The following DSCAM variants were observed in gnomAD, a reference collection of about 807,000 sequenced individuals.
DSCAM encodes the protein cell adhesion molecule DSCAM.
DSCAM carries 47 observed loss-of-function variants against 217.7 expected under a neutral mutation model. That is an observed-to-expected ratio of 0.22 (90% confidence interval 0.17 to 0.28). The LOEUF (loss-of-function observed/expected upper bound fraction) is 0.28. Among genes scored for constraint, DSCAM ranks in the 10% least tolerant of loss-of-function variants. The pLI, the probability that DSCAM is intolerant of heterozygous loss-of-function variation, is 1.00. For missense variants in DSCAM, 2,080 were observed against 2,618.3 expected (o/e 0.79, Z 4.49); for synonymous variants, 1,056 against 1,015.3 (o/e 1.04, Z -0.76).
At chr21:40,598,783 G>A (rs1408296455) in intron 3 of DSCAM, among the ~76,000 whole-genome samples, 4 of 152,012 alleles carry the variant, frequency 2.6e-5, no homozygotes, top group African/African-American at 4.8e-5. Flanking sequence ...GATTACAGGC[G>A]TGAGCCACCG....
chr21:40,743,344 C>T (rs2091143277), intron 1 of DSCAM, among the ~76,000 whole-genome samples: 1 of 152,188 alleles, frequency 6.6e-6, no homozygotes, highest in South Asian at 2.1e-4. Context: ...TCATCAACTC[C>T]TGGCAACAAC....
chr21:40,639,628 G>A (rs977610267), intron 3 of DSCAM, among the ~76,000 whole-genome samples: 6 of 152,084 alleles, frequency 3.9e-5, no homozygotes. Context: ...GCCTCCATGT[G>A]TAAAATAATG....
intron 1 of DSCAM, among the ~76,000 whole-genome samples, chr21:40,760,216 C>T (rs2091319042): frequency 6.6e-6 from 1 of 151,948 alleles, no homozygotes; most frequent in Non-Finnish European, 1.5e-5. Flanking sequence ...CGGGGTTTCA[C>T]CACGTTGGCC....
At chr21:40,817,405 T>C (rs1334397980) in intron 1 of DSCAM, among the ~76,000 whole-genome samples, 2 of 152,224 alleles carry the variant, frequency 1.3e-5, no homozygotes, top group African/African-American at 4.8e-5. Context: ...AAGCTAATTA[T>C]TAAAGTGTCT....
chr21:40,250,529 C>G (rs2073289064), intron 11 of DSCAM, among the ~76,000 whole-genome samples: 2 of 152,176 alleles, frequency 1.3e-5, no homozygotes, highest in Non-Finnish European at 2.9e-5. Context: ...TAATACAGTG[C>G]AAAATGTGGC....
At chr21:40,707,950 G>T (rs141218840) in intron 2 of DSCAM, among the ~76,000 whole-genome samples, 5 of 152,316 alleles carry the variant, frequency 3.3e-5, no homozygotes, top group African/African-American at 1.2e-4. Context: ...ATGTGATACA[G>T]TCAAAAATGT....
chr21:40,316,030 C>T (rs1427966025), intron 8 of DSCAM, among the ~76,000 whole-genome samples: 1 of 152,082 alleles, frequency 6.6e-6, no homozygotes. Flanking sequence ...GTAATTAATA[C>T]AAAATCGTAA....
chr21:40,786,969 C>G (rs945695831), intron 1 of DSCAM, among the ~76,000 whole-genome samples: 2 of 152,196 alleles, frequency 1.3e-5, no homozygotes, highest in Admixed American at 6.5e-5. Context: ...AACTTGCCAA[C>G]TGGGAACCCA....
intron 3 of DSCAM, among the ~76,000 whole-genome samples, chr21:40,477,528 G>A (rs2075947721): frequency 6.6e-6 from 1 of 152,032 alleles, no homozygotes; most frequent in Non-Finnish European, 1.5e-5. Context: ...TCCACCATAT[G>A]TACTTACATC....
chr21:40,134,903 C>T (rs1010645623), intron 18 of DSCAM, among the ~76,000 whole-genome samples: 1 of 152,190 alleles, frequency 6.6e-6, no homozygotes, highest in Non-Finnish European at 1.5e-5. Flanking sequence ...CAGCTTCAAT[C>T]CTGAAGTGAC....
chr21:40,576,444 G>C (rs1246193806), intron 3 of DSCAM, among the ~76,000 whole-genome samples: 1 of 152,114 alleles, frequency 6.6e-6, no homozygotes, highest in Non-Finnish European at 1.5e-5. Context: ...ATCTTCTTTG[G>C]GGACAGTTAA....
chr21:40,275,301 G>A (rs2073672152), intron 11 of DSCAM, among the ~76,000 whole-genome samples: 1 of 152,114 alleles, frequency 6.6e-6, no homozygotes, highest in South Asian at 2.1e-4. Flanking sequence ...CTGCACTCTA[G>A]CCTGGGCAAC....
At chr21:40,047,908 G>A (rs957680201) in intron 30 of DSCAM, among the ~76,000 whole-genome samples, 3 of 152,170 alleles carry the variant, frequency 2.0e-5, no homozygotes, top group African/African-American at 4.8e-5. Context: ...AAAGATTCAA[G>A]TCCATGTTGT....
chr21:40,738,538 C>T (rs1004336076), intron 1 of DSCAM, among the ~76,000 whole-genome samples: 3 of 152,206 alleles, frequency 2.0e-5, no homozygotes, highest in Non-Finnish European at 2.9e-5. Flanking sequence ...CCTTCCTCTA[C>T]ACAACAATTC....
rs188947318 is a variant in DSCAM, at chr21:40,145,687, A to G, written c.3019-956T>C. ...TGGTGAAACCCCGTCTCTGCTAAAAATACAAAAATTAGCCAGGCATGGTGG... is the reference window on the plus strand; with the variant it reads ...TGGTGAAACCCCGTCTCTGCTAAAAGTACAAAAATTAGCCAGGCATGGTGG... On this transcript the variant is annotated intron_variant, in intron 16 of 32. Coordinates refer to ENST00000400454, the MANE Select transcript of DSCAM (RefSeq NM_001389.5). Among the ~76,000 whole-genome samples, 465 of 152,202 alleles carry G rather than the reference A, an allele frequency of 3.1e-3. 7 individuals carry two copies. Among genetic ancestry groups the G allele is most frequent in the Admixed American group, 0.027 (420 of 15,296 alleles).
At chr21:40,485,796 ATGT>A (rs761565764) in intron 3 of DSCAM, among the ~76,000 whole-genome samples, 67 of 152,248 alleles carry the variant, frequency 4.4e-4, no homozygotes, top group South Asian at 1.2e-3. Context: ...TTTATATTGT[ATGT>A]TATTATATAT....
chr21:40,558,402 C>T (rs1601743150), intron 3 of DSCAM, among the ~76,000 whole-genome samples: 2 of 151,102 alleles, frequency 1.3e-5, no homozygotes, highest in Admixed American at 1.3e-4. Context: ...GAGCCAAGAT[C>T]GCACCACTGC....
chr21:40,843,626 G>C (rs1369607540), intron 1 of DSCAM, among the ~76,000 whole-genome samples: 1 of 152,052 alleles, frequency 6.6e-6, no homozygotes, highest in Non-Finnish European at 1.5e-5. Flanking sequence ...GTGAGTGTCT[G>C]CACATACGTG....
intron 3 of DSCAM, among the ~76,000 whole-genome samples, chr21:40,553,911 G>C (rs922685393): frequency 6.6e-6 from 1 of 152,008 alleles, no homozygotes; most frequent in African/African-American, 2.4e-5. Context: ...AACAGGTTAC[G>C]TGACTTATCC....
Sources: allele counts gnomAD v4.1 joint callset (sites outside exome capture counted in the v4.1 genomes callset), GRCh38; gene constraint gnomAD v4.1.1; transcripts MANE v1.5; gene names NCBI Gene and HGNC (gene_info 2026-07-23, HGNC 2026-07-21).